Variants in RANBP2 observed in about 807,000 individuals in gnomAD.
RANBP2 encodes the protein E3 SUMO-protein ligase RanBP2.
RANBP2 carries 57 observed loss-of-function variants against 303.6 expected under a neutral mutation model. The observed-to-expected ratio is 0.19, with a 90% confidence interval of 0.15 to 0.23. The LOEUF is 0.23. RANBP2 is among the 10% of genes least tolerant of loss of function. The pLI is 1.00. For missense variants in RANBP2, 3,138 were observed against 3,780.8 expected, an observed-to-expected ratio of 0.83 and a Z score of 4.46; for synonymous variants, 1,167 against 1,301.5, an observed-to-expected ratio of 0.90 and a Z score of 2.23.
At chr2:109,135,076 CAAAT>C in the RANBP2 span, among the ~76,000 whole-genome samples, 5 of 152,234 alleles carry the variant, frequency 3.3e-5, no homozygotes, top group African/African-American at 9.6e-5. Context: ...CAGTAGGTCT[CAAAT>C]AGAGGCCGTG....
At chr2:109,649,852 C>T in the RANBP2 span, among the ~76,000 whole-genome samples, 2 of 152,148 alleles carry the variant, frequency 1.3e-5, no homozygotes, top group Non-Finnish European at 2.9e-5. Context: ...GAAAAATTCC[C>T]TCTGATGTGT....
chr2:109,261,602 T>C, the RANBP2 span, among the ~76,000 whole-genome samples: 1 of 152,178 alleles, frequency 6.6e-6, no homozygotes, highest in African/African-American at 2.4e-5. Flanking sequence ...AGAAGTGGCA[T>C]GGGGCTGCAG....
At chr2:108,840,792 T>C in the RANBP2 span, among the ~76,000 whole-genome samples, 1 of 138,154 alleles carries the variant, frequency 7.2e-6, no homozygotes, top group Non-Finnish European at 1.5e-5. Flanking sequence ...TCATTTCTTT[T>C]TTTCTTTTTT....
the RANBP2 span, among the ~76,000 whole-genome samples, chr2:109,369,517 A>G: frequency 6.6e-6 from 1 of 152,154 alleles, no homozygotes; most frequent in Non-Finnish European, 1.5e-5. Flanking sequence ...TGTCAGTTGG[A>G]AAAAGTGGCA....
the RANBP2 span, among the ~76,000 whole-genome samples, chr2:109,509,818 A>G: frequency 6.6e-6 from 1 of 152,120 alleles, no homozygotes; most frequent in Non-Finnish European, 1.5e-5. Flanking sequence ...GGACTTCAAC[A>G]TATGAATTTT....
At chr2:109,683,190 G>A in the RANBP2 span, among the ~76,000 whole-genome samples, 1 of 152,154 alleles carries the variant, frequency 6.6e-6, no homozygotes, top group East Asian at 1.9e-4. Flanking sequence ...ATTTTTAGTG[G>A]AGACAGGGTT....
the RANBP2 span, among the ~76,000 whole-genome samples, chr2:109,421,920 G>A: frequency 2.0e-5 from 3 of 152,206 alleles, no homozygotes; most frequent in Non-Finnish European, 4.4e-5. Context: ...ACAGCAGTAT[G>A]CATGATGCAT....
At chr2:109,660,328 A>C in the RANBP2 span, among the ~76,000 whole-genome samples, 2 of 152,340 alleles carry the variant, frequency 1.3e-5, no homozygotes, top group Admixed American at 6.5e-5. Context: ...AACCAATGGG[A>C]CATGTCTAGA....
the RANBP2 span, among the ~76,000 whole-genome samples, chr2:108,869,275 A>T: frequency 6.6e-6 from 1 of 152,182 alleles, no homozygotes; most frequent in Admixed American, 6.5e-5. Context: ...ATGATAGGAC[A>T]TTCTGTGATA....
chr2:109,218,859 C>A, the RANBP2 span, among the ~76,000 whole-genome samples: 1 of 152,184 alleles, frequency 6.6e-6, no homozygotes, highest in Non-Finnish European at 1.5e-5. Flanking sequence ...ACACACAAAC[C>A]CACAATCAAT....
At chr2:108,840,584 C>A in the RANBP2 span, among the ~76,000 whole-genome samples, 1 of 152,110 alleles carries the variant, frequency 6.6e-6, no homozygotes, top group Non-Finnish European at 1.5e-5. Flanking sequence ...CTGAACCATT[C>A]AAATGTATGC....
the RANBP2 span, chr2:109,616,937 T>G: frequency 3.0e-5 from 5 of 167,050 alleles, no homozygotes; most frequent in Non-Finnish European, 7.3e-5. Context: ...GGGGTGTTTA[T>G]TCTGAGGATT....
the RANBP2 span, among the ~76,000 whole-genome samples, chr2:109,284,732 T>A: frequency 6.6e-6 from 1 of 152,184 alleles, no homozygotes; most frequent in African/African-American, 2.4e-5. Context: ...TGTGCACACC[T>A]CTGCAGGTGA....
At chr2:109,449,096 T>C in the RANBP2 span, 40 of 1,517,984 alleles carry the variant, frequency 2.6e-5, 2 homozygotes, top group Admixed American at 6.7e-4. Context: ...TGAGTGTGCA[T>C]TGCAGCTGCC....
the RANBP2 span, chr2:108,812,558 T>C: frequency 7.5e-6 from 8 of 1,065,486 alleles, no homozygotes; most frequent in Non-Finnish European, 1.2e-5. Flanking sequence ...GATTAGATAG[T>C]AGATTGGGAA....
chr2:109,175,830 A>G, the RANBP2 span, among the ~76,000 whole-genome samples: 1 of 152,238 alleles, frequency 6.6e-6, no homozygotes, highest in Admixed American at 6.5e-5. Context: ...CTGCCATGCC[A>G]GTAATAGTTT....
the RANBP2 span, among the ~76,000 whole-genome samples, chr2:109,606,770 C>A: frequency 6.9e-6 from 1 of 144,380 alleles, no homozygotes; most frequent in South Asian, 2.2e-4. Context: ...ACCTCCGTCT[C>A]GCAGGTTCAA....
At chr2:109,121,576 C>A in the RANBP2 span, among the ~76,000 whole-genome samples, 1 of 152,192 alleles carries the variant, frequency 6.6e-6, no homozygotes, top group Admixed American at 6.5e-5. Flanking sequence ...AAGCATTTTG[C>A]AACCTGCAGA....
the RANBP2 span, among the ~76,000 whole-genome samples, chr2:109,048,414 CAT>C: frequency 6.6e-5 from 10 of 152,140 alleles, no homozygotes; most frequent in African/African-American, 1.2e-4. Context: ...TAGCTGCAAA[CAT>C]GTGGAGTTTT....
Sources: gnomAD v4.1 joint callset for allele counts (sites outside exome capture counted in the v4.1 genomes callset) on GRCh38, gnomAD v4.1.1 for gene constraint, MANE v1.5 for transcripts, NCBI Gene and HGNC (gene_info 2026-07-23, HGNC 2026-07-21) for gene names.